The following EYA1 variants were observed in gnomAD, a reference collection of about 807,000 sequenced individuals.
EYA1 encodes protein phosphatase EYA1.
A neutral mutation model predicts 82.0 loss-of-function variants in EYA1; 16 were observed. That is an observed-to-expected ratio of 0.20 (90% CI 0.13 to 0.30). The LOEUF (loss-of-function observed/expected upper bound fraction) is 0.30. Ranked by LOEUF, EYA1 falls within the 10% of genes least tolerant of loss-of-function variation. EYA1 has a pLI of 1.00. For synonymous variants in EYA1, 261 were observed against 264.4 expected, an observed-to-expected ratio of 0.99 and a Z score of 0.12; for missense variants, 633 against 730.7, an observed-to-expected ratio of 0.87 and a Z score of 1.54.
chr8:71,451,796 A>G (rs1384732795), intron 2 of EYA1, among the ~76,000 whole-genome samples: 1 of 152,218 alleles, frequency 6.6e-6, no homozygotes, highest in Non-Finnish European at 1.5e-5. Flanking sequence ...GTGTGGTTCC[A>G]AGATGGCCAA....
chr8:71,230,663 G>A (rs1014629061), intron 12 of EYA1, among the ~76,000 whole-genome samples: 1 of 152,186 alleles, frequency 6.6e-6, no homozygotes, highest in African/African-American at 2.4e-5. Context: ...ACTGTTCCTG[G>A]TAGCTTCACC....
chr8:71,319,134 A>AT (rs112207518), intron 6 of EYA1, among the ~76,000 whole-genome samples: 7,744 of 143,620 alleles, frequency 0.054, 235 homozygotes, highest in African/African-American at 0.086. Context: ...TAATTCATGT[A>AT]TTTTTTTTTT....
chr8:71,397,391 C>G (rs1198243273), intron 2 of EYA1, among the ~76,000 whole-genome samples: 1 of 152,212 alleles, frequency 6.6e-6, no homozygotes, highest in African/African-American at 2.4e-5. Flanking sequence ...CATCGATGGT[C>G]TTTACAATTT....
chr8:71,478,144 A>G (rs1809816380), intron 2 of EYA1, among the ~76,000 whole-genome samples: 1 of 152,234 alleles, frequency 6.6e-6, no homozygotes, highest in Non-Finnish European at 1.5e-5. Context: ...TTTTTCCATT[A>G]AAATAATAGG....
intron 2 of EYA1, among the ~76,000 whole-genome samples, chr8:71,517,281 C>T (rs371462920): frequency 1.8e-4 from 27 of 152,054 alleles, no homozygotes; most frequent in Admixed American, 1.2e-3. Flanking sequence ...GCTCCAAAAG[C>T]GCTCAGATTC....
intron 6 of EYA1, among the ~76,000 whole-genome samples, chr8:71,319,932 C>T (rs1822349376): frequency 6.6e-6 from 1 of 152,104 alleles, no homozygotes; most frequent in Non-Finnish European, 1.5e-5. Context: ...TAGGAAAATG[C>T]TAAGAACTGA....
At chr8:71,435,019 CAA>C (rs1054425395) in intron 2 of EYA1, among the ~76,000 whole-genome samples, 1 of 151,944 alleles carries the variant, frequency 6.6e-6, no homozygotes, top group Non-Finnish European at 1.5e-5. Flanking sequence ...TTTATAGACT[CAA>C]AAAAATATGC....
At chr8:71,231,274 T>TA (rs1811163051) in intron 12 of EYA1, among the ~76,000 whole-genome samples, 2 of 152,236 alleles carry the variant, frequency 1.3e-5, no homozygotes, top group Admixed American at 1.3e-4. Flanking sequence ...GGTAGTGCTA[T>TA]AAGTTCTTTA....
intron 2 of EYA1, among the ~76,000 whole-genome samples, chr8:71,465,795 G>C (rs1205508765): frequency 6.6e-6 from 1 of 152,026 alleles, no homozygotes; most frequent in Non-Finnish European, 1.5e-5. Context: ...TTAAGAAGTG[G>C]GGTATTTGTG....
chr8:71,398,300 T>A (rs1563571693), intron 2 of EYA1, among the ~76,000 whole-genome samples: 1 of 152,232 alleles, frequency 6.6e-6, no homozygotes, highest in African/African-American at 2.4e-5. Flanking sequence ...TCTCAACTCG[T>A]CAAAGTCATT....
intron 11 of EYA1, among the ~76,000 whole-genome samples, chr8:71,258,371 T>G (rs374641522): frequency 4.3e-4 from 65 of 152,230 alleles, no homozygotes; most frequent in African/African-American, 1.5e-3. Context: ...AGGTTTTGCG[T>G]GTGCAACTTG....
At chr8:71,511,696 G>A (rs147107289) in intron 2 of EYA1, among the ~76,000 whole-genome samples, 1 of 152,306 alleles carries the variant, frequency 6.6e-6, no homozygotes, top group Non-Finnish European at 1.5e-5. Flanking sequence ...CATCCTGTAA[G>A]CTCCACGCCT....
intron 2 of EYA1, among the ~76,000 whole-genome samples, chr8:71,472,788 G>GATATATATATATATATAT (rs71264559): frequency 0.011 from 1,452 of 126,280 alleles, 40 homozygotes; most frequent in East Asian, 0.086. Context: ...TAGCTTTGAA[G>GATATATATATATATATAT]ATATATATAT....
At chr8:71,301,358 A>C (rs2069244650) in intron 7 of EYA1, among the ~76,000 whole-genome samples, 1 of 152,190 alleles carries the variant, frequency 6.6e-6, no homozygotes, top group African/African-American at 2.4e-5. Flanking sequence ...ATGTTTTGGA[A>C]AGCATAATGG....
Position 71,288,124 on chromosome 8 carries a change from T to C in EYA1, c.826+10923A>G, listed in dbSNP as rs539374494. 2.0e-5 allele frequency among the ~76,000 whole-genome samples: 3 copies of C among 152,200 alleles called. No individual in the cohort carries two copies. The South Asian group carries it at 6.2e-4, about 32-fold the overall frequency. On this transcript the variant is annotated intron_variant, in intron 9 of 17. Coordinates refer to ENST00000340726, the MANE Select transcript of EYA1 (RefSeq NM_000503.6). The stretch of plus-strand genomic sequence containing the variant: ...TTCATAGACATTCTCAGATGGGGTG[T>C]TGGGGGAAGCACAGGTGGAAAGTGG...
intron 2 of EYA1, among the ~76,000 whole-genome samples, chr8:71,508,288 G>T (rs1291518177): frequency 2.6e-5 from 4 of 152,118 alleles, no homozygotes; most frequent in Non-Finnish European, 1.5e-5. Flanking sequence ...TGTTGCTGTT[G>T]TTTTTGAGAC....
At chr8:71,265,432 G>GTT (rs1238713350) in intron 11 of EYA1, among the ~76,000 whole-genome samples, 1 of 152,116 alleles carries the variant, frequency 6.6e-6, no homozygotes, top group Non-Finnish European at 1.5e-5. Flanking sequence ...AAGTGTTCAT[G>GTT]TTTTGTTTTT....
chr8:71,521,513 T>C (rs948485046), intron 2 of EYA1, among the ~76,000 whole-genome samples: 1 of 152,158 alleles, frequency 6.6e-6, no homozygotes, highest in Middle Eastern at 3.2e-3. Context: ...AAAATGAACA[T>C]GCAACTGTAG....
At chr8:71,420,783 G>T (rs1472663217) in intron 2 of EYA1, among the ~76,000 whole-genome samples, 1 of 152,064 alleles carries the variant, frequency 6.6e-6, no homozygotes, top group East Asian at 1.9e-4. Context: ...GATCAGTTAT[G>T]AATTAATATG....
Sources: gnomAD v4.1 joint callset for allele counts (sites outside exome capture counted in the v4.1 genomes callset) on GRCh38, gnomAD v4.1.1 for gene constraint, MANE v1.5 for transcripts, NCBI Gene and HGNC (gene_info 2026-07-23, HGNC 2026-07-21) for gene names.